The following ZZZ3 variants were observed in gnomAD, a reference collection of about 807,000 sequenced individuals.
The protein encoded by ZZZ3 is zinc finger ZZ-type containing 3.
In ZZZ3, 22 loss-of-function variants were observed where a neutral mutation model predicts 95.2. The ratio of observed to expected loss-of-function variants is 0.23; its 90% CI spans 0.17 to 0.33. The LOEUF (loss-of-function observed/expected upper bound fraction) is 0.33, where lower values mean the gene tolerates loss of function less well. Among genes scored for constraint, ZZZ3 ranks in the 10% least tolerant of loss-of-function variants. The pLI, the probability that ZZZ3 is intolerant of heterozygous loss-of-function variation, is 1.00. For synonymous variants in ZZZ3, 335 were observed against 358.9 expected (o/e 0.93, Z 0.75); for missense variants, 885 against 1,066.5 (o/e 0.83, Z 2.37).
chr1:77,576,349 T>A (rs1661939280), intron 11 of ZZZ3, 129 bp from the exon 12 acceptor site: 1 of 724,334 alleles, frequency 1.4e-6, no homozygotes, highest in African/African-American at 1.8e-5. Context: ...AGCATACTCT[T>A]ATGTTGTTGC....
intron 5 of ZZZ3, among the ~76,000 whole-genome samples, chr1:77,585,323 C>CAT (rs1279484364): frequency 6.6e-6 from 1 of 152,174 alleles, no homozygotes; most frequent in Non-Finnish European, 1.5e-5. Context: ...GCACAACAAA[C>CAT]ATATAGTTTT....
intron 5 of ZZZ3, among the ~76,000 whole-genome samples, chr1:77,588,574 T>G (rs1663338377): frequency 6.6e-6 from 1 of 152,174 alleles, no homozygotes; most frequent in Admixed American, 6.5e-5. Context: ...GATGGTAGGA[T>G]AGCACCCAAT....
At chr1:77,570,441 C>G (rs370741800) in intron 12 of ZZZ3, among the ~76,000 whole-genome samples, 10 of 152,096 alleles carry the variant, frequency 6.6e-5, no homozygotes, top group African/African-American at 2.4e-4. Flanking sequence ...TGTAACAAAT[C>G]CTGTCATTTC....
In ZZZ3 at chr1:77,571,656, C is replaced by T. The variant is rs146154374; in HGVS notation, c.2332-3190G>A. 2.2e-4 allele frequency among the ~76,000 whole-genome samples: 34 copies of T among 152,260 alleles called. No homozygotes were observed. In the East Asian group the frequency reaches 6.0e-3, roughly 27 times the overall value. On this transcript the variant is annotated intron_variant, in intron 12 of 14. Coordinates refer to ENST00000370801, the MANE Select transcript of ZZZ3 (RefSeq NM_015534.6). ...AAATGGATGAACCTTGAAGACCATA[C>T]GCTGGGTGAAACGAGCCAGTCACAA...
chr1:77,681,807 G>C (rs1672781182), intron 1 of ZZZ3, among the ~76,000 whole-genome samples: 2 of 150,948 alleles, frequency 1.3e-5, no homozygotes, highest in East Asian at 3.9e-4. Context: ...GCTGAGGCAG[G>C]AGAATCGCTT....
chr1:77,628,061 T>C (rs1437657307), intron 5 of ZZZ3, among the ~76,000 whole-genome samples: 1 of 152,228 alleles, frequency 6.6e-6, no homozygotes, highest in Non-Finnish European at 1.5e-5. Context: ...TCTTCCACAC[T>C]TGTGCTTCCT....
At chr1:77,591,808 A>T (rs1663724501) in intron 5 of ZZZ3, among the ~76,000 whole-genome samples, 1 of 152,234 alleles carries the variant, frequency 6.6e-6, no homozygotes, top group Admixed American at 6.5e-5. Flanking sequence ...AGCAAAGAAA[A>T]AAACAGGTAC....
intron 5 of ZZZ3, among the ~76,000 whole-genome samples, chr1:77,589,566 T>G (rs943293300): frequency 6.6e-6 from 1 of 151,716 alleles, no homozygotes; most frequent in Non-Finnish European, 1.5e-5. Flanking sequence ...GCCTCCCGAG[T>G]AGCTAGGGCC....
At chr1:77,571,705 A>T (rs1224987759) in intron 12 of ZZZ3, among the ~76,000 whole-genome samples, 1 of 152,240 alleles carries the variant, frequency 6.6e-6, no homozygotes, top group Non-Finnish European at 1.5e-5. Context: ...GTATGCTTCC[A>T]CTTATTTGAG....
chr1:77,604,062 G>A lies in ZZZ3; in HGVS notation c.1506-19407C>T, dbSNP rs1404502748. 2.0e-5 allele frequency among the ~76,000 whole-genome samples: 3 copies of A among 152,188 alleles called. No individual in the cohort carries two copies. In the East Asian group the frequency reaches 5.8e-4, roughly 29 times the overall value. On this transcript the variant is annotated intron_variant, in intron 5 of 14. Coordinates refer to ENST00000370801, the MANE Select transcript of ZZZ3 (RefSeq NM_015534.6). ...CCACACCGGTAGTCCTAGCTACTCA[G>A]GAGGCTGAAGTGGGAGGATCGCTTG...
intron 13 of ZZZ3, among the ~76,000 whole-genome samples, 157 bp from the exon 14 acceptor site, chr1:77,566,338 C>T (rs1262765842): frequency 1.3e-5 from 2 of 152,168 alleles, no homozygotes; most frequent in Non-Finnish European, 2.9e-5. Context: ...GTGTTAGAGA[C>T]AATTTCTAGC....
chr1:77,679,544 C>A (rs369488566), intron 1 of ZZZ3, among the ~76,000 whole-genome samples: 9 of 152,090 alleles, frequency 5.9e-5, no homozygotes, highest in African/African-American at 1.9e-4. Context: ...CCTCGGCCTC[C>A]CAAAGTGCTT....
At chr1:77,675,258 T>C (rs898175113) in intron 1 of ZZZ3, among the ~76,000 whole-genome samples, 5 of 152,152 alleles carry the variant, frequency 3.3e-5, no homozygotes, top group African/African-American at 9.7e-5. Context: ...ATTTTATTTA[T>C]GAAACACATC....
chr1:77,581,999 A>ACT lies in ZZZ3; in HGVS notation c.1770_1771dup (p.Val591GlufsTer4). 1 of 1,603,902 alleles carries ACT rather than the reference A, an allele frequency of 6.2e-7. No homozygotes were observed. On this transcript the variant is annotated frameshift_variant, in exon 7 of 15. Transcript: ENST00000370801. LOFTEE classifies it high-confidence loss of function. ...CTTACCTTTATCAAAAACTAGCTTAACTCTTCTAGTATGTCTTTTACGATT... is the reference window on the plus strand; with the variant it reads ...CTTACCTTTATCAAAAACTAGCTTAACTCTCTTCTAGTATGTCTTTTACGATT...
intron 11 of ZZZ3, among the ~76,000 whole-genome samples, chr1:77,576,885 C>G (rs1570408591): frequency 6.6e-6 from 1 of 152,182 alleles, no homozygotes; most frequent in Admixed American, 6.5e-5. Context: ...ATGGGTTGGA[C>G]AAGCTTGCTC....
At chr1:77,585,548 T>C (rs1463841151) in intron 5 of ZZZ3, among the ~76,000 whole-genome samples, 1 of 152,216 alleles carries the variant, frequency 6.6e-6, no homozygotes, top group Non-Finnish European at 1.5e-5. Flanking sequence ...CACTTTAAAA[T>C]AACTGGTTAA....
intron 13 of ZZZ3, among the ~76,000 whole-genome samples, chr1:77,567,538 G>C (rs1451351396): frequency 1.3e-5 from 2 of 152,208 alleles, no homozygotes; most frequent in African/African-American, 2.4e-5. Context: ...TCTCAGGATA[G>C]TGTGAGCTCC....
chr1:77,669,214 C>T (rs1028214959), intron 1 of ZZZ3, among the ~76,000 whole-genome samples: 2 of 152,170 alleles, frequency 1.3e-5, no homozygotes, highest in African/African-American at 4.8e-5. Flanking sequence ...GACAAGAACT[C>T]TGAGGTTGTC....
chr1:77,589,931 T>C (rs569811628), intron 5 of ZZZ3, among the ~76,000 whole-genome samples: 1 of 152,338 alleles, frequency 6.6e-6, no homozygotes, highest in Admixed American at 6.5e-5. Flanking sequence ...TAGATTTCCA[T>C]TTCTACTGTG....
Sources: gnomAD v4.1 joint callset for allele counts (sites outside exome capture counted in the v4.1 genomes callset) on GRCh38, gnomAD v4.1.1 for gene constraint, MANE v1.5 for transcripts, NCBI Gene and HGNC (gene_info 2026-07-23, HGNC 2026-07-21) for gene names.